Variants in KCNH1 observed in about 807,000 individuals in gnomAD.
KCNH1 encodes the protein potassium voltage-gated channel subfamily H member 1.
A neutral mutation model predicts 69.2 loss-of-function variants in KCNH1; 27 were observed. That is an observed-to-expected ratio of 0.39 (90% CI 0.29 to 0.54). The LOEUF is 0.54. Ranked by LOEUF, KCNH1 falls within the 20% of genes least tolerant of loss-of-function variation. The probability of loss-of-function intolerance (pLI) is 0.68; values close to 1 mark genes in which losing one functional copy is unlikely to be tolerated. For synonymous variants in KCNH1, 456 were observed against 487.7 expected (o/e 0.93, Z 0.86); for missense variants, 798 against 1,261.6 (o/e 0.63, Z 5.57).
chr1:210,920,532 G>T (rs779021744), intron 6 of KCNH1, among the ~76,000 whole-genome samples: 1 of 152,088 alleles, frequency 6.6e-6, no homozygotes, highest in Non-Finnish European at 1.5e-5. Flanking sequence ...GCTGAAAATG[G>T]TTGGGAAATA....
chr1:211,002,762 C>G (rs1287282190), intron 6 of KCNH1, among the ~76,000 whole-genome samples: 1 of 151,848 alleles, frequency 6.6e-6, no homozygotes, highest in Non-Finnish European at 1.5e-5. Flanking sequence ...AAAAAAATAT[C>G]CAGAGGGAAG....
intron 5 of KCNH1, among the ~76,000 whole-genome samples, chr1:211,081,274 T>C (rs1178597266): frequency 6.6e-6 from 1 of 152,156 alleles, no homozygotes. Flanking sequence ...TGAGATACCA[T>C]CTCACACCAG....
At chr1:211,003,834 G>A (rs1471795930) in intron 6 of KCNH1, among the ~76,000 whole-genome samples, 1 of 152,006 alleles carries the variant, frequency 6.6e-6, no homozygotes, top group Non-Finnish European at 1.5e-5. Flanking sequence ...GGCCGGGTGC[G>A]GATAATCCCA....
Position 211,036,118 on chromosome 1 carries a change from G to A in KCNH1, c.559-16862C>T, listed in dbSNP as rs1689892524. On this transcript the variant is annotated intron_variant, in intron 5 of 10. Coordinates refer to ENST00000271751, the MANE Select transcript of KCNH1 (RefSeq NM_172362.3). ...AGAGCAGTCTCAAATCCATCTCCCT[G>A]ACCAACTAAAATTGGGGGTTTATGT... Among the ~76,000 whole-genome samples the A allele has an allele frequency of 2.6e-5, 4 of 152,194 alleles. 1 individual carries two copies. The South Asian group carries it at 8.3e-4, about 31-fold the overall frequency.
At chr1:210,968,644 T>C (rs937560302) in intron 6 of KCNH1, among the ~76,000 whole-genome samples, 1 of 151,818 alleles carries the variant, frequency 6.6e-6, no homozygotes, top group Non-Finnish European at 1.5e-5. Flanking sequence ...TTTCATGTGT[T>C]TTTTGGCTGC....
chr1:211,071,226 C>T, intron 5 of KCNH1, among the ~76,000 whole-genome samples: 1 of 152,114 alleles, frequency 6.6e-6, no homozygotes, highest in East Asian at 1.9e-4. Flanking sequence ...GCTGCAGACC[C>T]CAATCTATGA....
At chr1:211,037,037 G>A (rs1689912620) in intron 5 of KCNH1, among the ~76,000 whole-genome samples, 1 of 152,186 alleles carries the variant, frequency 6.6e-6, no homozygotes, top group South Asian at 2.1e-4. Context: ...GGAAAAAAGG[G>A]TTTTTCTCTT....
intron 9 of KCNH1, among the ~76,000 whole-genome samples, chr1:210,794,317 C>G (rs1486745674): frequency 1.3e-5 from 2 of 152,158 alleles, no homozygotes; most frequent in African/African-American, 4.8e-5. Context: ...ACTTTACAGA[C>G]TCAATCTGGC....
At chr1:210,917,275 G>GAAAGAAAGAAAGAAAGA (rs1553359771) in intron 7 of KCNH1, among the ~76,000 whole-genome samples, 237 of 142,932 alleles carry the variant, frequency 1.7e-3, no homozygotes, top group African/African-American at 6.1e-3. Flanking sequence ...AAGAAAGAAA[G>GAAAGAAAGAAAGAAAGA]AAAGAAAAGA....
Position 211,002,353 on chromosome 1 carries a change from T to TATATATATAC in KCNH1, c.1032+16429_1032+16430insGTATATATAT, listed in dbSNP as rs1553369892. On this transcript the variant is annotated intron_variant, in intron 6 of 10. Coordinates refer to ENST00000271751, the MANE Select transcript of KCNH1 (RefSeq NM_172362.3). ...GTGTGTGTGTGTATATATATATATA[T>TATATATATAC]ACACACACACATATATATATACACC... Among the ~76,000 whole-genome samples the TATATATATAC allele has an allele frequency of 1.1e-3, 155 of 145,066 alleles. 1 individual carries two copies. Among genetic ancestry groups the TATATATATAC allele is most frequent in the Non-Finnish European group, 1.7e-3 (116 of 66,516 alleles).
At chr1:210,685,414 C>G (rs560967990) in intron 10 of KCNH1, among the ~76,000 whole-genome samples, 1 of 152,284 alleles carries the variant, frequency 6.6e-6, no homozygotes, top group East Asian at 1.9e-4. Context: ...GCCACTTAGA[C>G]CCACCCAAAA....
Position 211,040,444 on chromosome 1 carries a change from T to C in KCNH1, c.559-21188A>G, listed in dbSNP as rs532878483. Among the ~76,000 whole-genome samples, 3 of 152,264 alleles carry C rather than the reference T, an allele frequency of 2.0e-5. No homozygotes were observed. The South Asian group carries it at 6.2e-4, about 32-fold the overall frequency. On this transcript the variant is annotated intron_variant, in intron 5 of 10. Coordinates refer to ENST00000271751, the MANE Select transcript of KCNH1 (RefSeq NM_172362.3). ...GTTTCATGAGATCTGATGATGGGTTTATTAGGGGTTTCCACTTTTGCTTCT... is the reference window on the plus strand; with the variant it reads ...GTTTCATGAGATCTGATGATGGGTTCATTAGGGGTTTCCACTTTTGCTTCT...
chr1:210,732,233 G>T (rs2149031984), intron 10 of KCNH1, among the ~76,000 whole-genome samples: 1 of 151,854 alleles, frequency 6.6e-6, no homozygotes, highest in Non-Finnish European at 1.5e-5. Flanking sequence ...GCAGCCCAGT[G>T]TGGCTCCTCT....
chr1:211,132,566 A>G (rs952114411), intron 1 of KCNH1: 13 of 152,266 alleles, frequency 8.5e-5, no homozygotes, highest in African/African-American at 3.1e-4. Flanking sequence ...GTGTTTCATT[A>G]TAAGATAAAC....
intron 9 of KCNH1, among the ~76,000 whole-genome samples, chr1:210,788,934 G>C (rs1194500772): frequency 6.6e-6 from 1 of 151,624 alleles, no homozygotes; most frequent in Non-Finnish European, 1.5e-5. Flanking sequence ...CTGACCTCGT[G>C]ATCCGCCCGC....
intron 5 of KCNH1, among the ~76,000 whole-genome samples, chr1:211,063,068 C>T (rs1210384981): frequency 6.6e-6 from 1 of 152,064 alleles, no homozygotes; most frequent in Non-Finnish European, 1.5e-5. Flanking sequence ...AAGTGTGCAT[C>T]GATGGATGAA....
intron 6 of KCNH1, among the ~76,000 whole-genome samples, chr1:210,972,707 G>T (rs963737905): frequency 6.6e-6 from 1 of 152,046 alleles, no homozygotes; most frequent in Non-Finnish European, 1.5e-5. Flanking sequence ...ACTGGAAAAA[G>T]TCTATATCTA....
intron 6 of KCNH1, among the ~76,000 whole-genome samples, chr1:210,977,579 G>GT (rs1688638601): frequency 6.6e-6 from 1 of 152,050 alleles, no homozygotes; most frequent in Non-Finnish European, 1.5e-5. Context: ...AGATCATGCA[G>GT]TATTTGTCTT....
intron 5 of KCNH1, among the ~76,000 whole-genome samples, chr1:211,033,680 C>T (rs573031192): frequency 6.6e-6 from 1 of 152,014 alleles, no homozygotes; most frequent in Admixed American, 6.5e-5. Flanking sequence ...AACAGAACAC[C>T]GCATATTCTC....
Sources: allele counts gnomAD v4.1 joint callset (sites outside exome capture counted in the v4.1 genomes callset), GRCh38; gene constraint gnomAD v4.1.1; transcripts MANE v1.5; gene names NCBI Gene and HGNC (gene_info 2026-07-23, HGNC 2026-07-21).